Variants in NYAP2 observed in about 807,000 individuals in gnomAD.
NYAP2 encodes neuronal tyrosine-phosphorylated phosphoinositide-3-kinase adapter 2.
NYAP2 carries 23 observed loss-of-function variants against 50.4 expected under a neutral mutation model. The ratio of observed to expected loss-of-function variants is 0.46; its 90% CI spans 0.33 to 0.65. The LOEUF is 0.65. Ranked by LOEUF, NYAP2 falls within the 30% of genes least tolerant of loss-of-function variation. The probability of loss-of-function intolerance (pLI) is 0.02; values close to 1 mark genes in which losing one functional copy is unlikely to be tolerated. For missense variants in NYAP2, 885 were observed against 861.0 expected, an observed-to-expected ratio of 1.03 and a Z score of -0.35; for synonymous variants, 394 against 365.2, an observed-to-expected ratio of 1.08 and a Z score of -0.90.
chr2:225,437,303 GA>G (rs1281340023), intron 3 of NYAP2, among the ~76,000 whole-genome samples: 2 of 152,118 alleles, frequency 1.3e-5, no homozygotes, highest in African/African-American at 4.8e-5. Flanking sequence ...TGACAGTTGT[GA>G]AGGATACTTT....
chr2:225,512,639 TCCTTCCTCCCTC>T (rs1690840054), intron 3 of NYAP2, among the ~76,000 whole-genome samples: 1 of 150,276 alleles, frequency 6.7e-6, no homozygotes, highest in South Asian at 2.2e-4. Context: ...TCTCCTTCCT[TCCTTCCTCCCTC>T]CCTTCCTCCC....
At chr2:225,594,637 T>C (rs1321952691) in intron 5 of NYAP2, among the ~76,000 whole-genome samples, 6 of 151,448 alleles carry the variant, frequency 4.0e-5, no homozygotes, top group Non-Finnish European at 8.8e-5. Context: ...GTCTTGAATA[T>C]GTGTGTTCCC....
chr2:225,401,738 CAT>C (rs150959289), intron 2 of NYAP2, among the ~76,000 whole-genome samples: 4,144 of 152,012 alleles, frequency 0.027, 184 homozygotes, highest in African/African-American at 0.093. Flanking sequence ...AAATACAAGA[CAT>C]GTGAGTATTT....
At position 225,626,837 on chromosome 2, in the gene NYAP2, A is replaced by C; in HGVS notation, c.1619-80A>C. ...AACAACATATTGAGACAATTTTAGA[A>C]AATCACACTAATTTTTTGAAAGTAA... On this transcript the variant is annotated intron_variant, in intron 5 of 6. Coordinates refer to ENST00000636099, the Ensembl canonical transcript of NYAP2. 18 of 1,086,388 alleles carry C rather than the reference A, an allele frequency of 1.7e-5. No individual in the cohort carries two copies. In the South Asian group the frequency reaches 2.6e-4, roughly 16 times the overall value. 67.3% of individuals were successfully genotyped at this position (1,086,388 alleles called of 1,614,324 possible). A position where few individuals can be genotyped will look rare whatever the true frequency, so the allele number is the denominator to read the frequency against.
intron 3 of NYAP2, among the ~76,000 whole-genome samples, chr2:225,510,853 G>C (rs1019098777): frequency 6.6e-6 from 1 of 151,924 alleles, no homozygotes; most frequent in Non-Finnish European, 1.5e-5. Flanking sequence ...TTAAGTTGTT[G>C]TATGCTGTTA....
intron 5 of NYAP2, among the ~76,000 whole-genome samples, chr2:225,586,673 A>G (rs1049832268): frequency 6.6e-6 from 1 of 152,162 alleles, no homozygotes; most frequent in Non-Finnish European, 1.5e-5. Context: ...TGATATATTC[A>G]TTATGATTTT....
At chr2:225,467,155 A>G (rs1459981238) in intron 3 of NYAP2, among the ~76,000 whole-genome samples, 1 of 152,002 alleles carries the variant, frequency 6.6e-6, no homozygotes, top group Non-Finnish European at 1.5e-5. Context: ...TGTTTACCGG[A>G]GTTGTACGCA....
chr2:225,543,443 G>A (rs1404887741), intron 4 of NYAP2, among the ~76,000 whole-genome samples: 1 of 151,692 alleles, frequency 6.6e-6, no homozygotes, highest in Non-Finnish European at 1.5e-5. Context: ...AAAAGTATTG[G>A]TATGTTCTTT....
chr2:225,436,920 G>A (rs1370728666), intron 3 of NYAP2, among the ~76,000 whole-genome samples: 2 of 151,934 alleles, frequency 1.3e-5, no homozygotes, highest in East Asian at 3.9e-4. Flanking sequence ...TCCTTCAAGT[G>A]GGAGCTGGTG....
chr2:225,432,794 C>G (rs1217572209), intron 3 of NYAP2, among the ~76,000 whole-genome samples: 3 of 152,168 alleles, frequency 2.0e-5, no homozygotes, highest in African/African-American at 7.2e-5. Flanking sequence ...GGTTCTGACT[C>G]CTTCATATTT....
chr2:225,650,367 G>A (rs756125598), intron 6 of NYAP2, among the ~76,000 whole-genome samples: 15 of 152,134 alleles, frequency 9.9e-5, no homozygotes, highest in East Asian at 1.9e-4. Context: ...TCTCTGGCAC[G>A]CGTGTCAGTT....
chr2:225,520,216 G>T (rs951361640), intron 4 of NYAP2, among the ~76,000 whole-genome samples: 4 of 152,032 alleles, frequency 2.6e-5, no homozygotes, highest in Non-Finnish European at 4.4e-5. Context: ...CTCCCATTTT[G>T]TAGGTTGCCT....
chr2:225,665,572 CCTT>C, the NYAP2 span, among the ~76,000 whole-genome samples: 1 of 149,494 alleles, frequency 6.7e-6, no homozygotes, highest in Non-Finnish European at 1.5e-5. Context: ...TTCCCTAGCT[CCTT>C]TTTTTTTTGA....
intron 6 of NYAP2, among the ~76,000 whole-genome samples, chr2:225,627,725 C>A (rs1443233287): frequency 6.6e-6 from 1 of 152,104 alleles, no homozygotes; most frequent in South Asian, 2.1e-4. Context: ...AAATTAAAAT[C>A]TGCAATGCAA....
intron 6 of NYAP2, among the ~76,000 whole-genome samples, chr2:225,634,582 A>G (rs1693379580): frequency 6.6e-6 from 1 of 152,214 alleles, no homozygotes; most frequent in South Asian, 2.1e-4. Flanking sequence ...CATTTCTTAC[A>G]CACTGTGCTT....
chr2:225,591,406 C>A (rs1692502176), intron 5 of NYAP2, among the ~76,000 whole-genome samples: 1 of 152,086 alleles, frequency 6.6e-6, no homozygotes, highest in Non-Finnish European at 1.5e-5. Flanking sequence ...AGGTTTGTCT[C>A]AGGAACAATA....
chr2:225,521,705 T>G (rs1490870040), intron 4 of NYAP2, among the ~76,000 whole-genome samples: 1 of 152,046 alleles, frequency 6.6e-6, no homozygotes, highest in Non-Finnish European at 1.5e-5. Flanking sequence ...TTTGCATCAA[T>G]GTTCATCAAG....
intron 3 of NYAP2, among the ~76,000 whole-genome samples, chr2:225,444,201 T>G (rs1232815367): frequency 6.6e-6 from 1 of 152,200 alleles, no homozygotes; most frequent in African/African-American, 2.4e-5. Flanking sequence ...AGAGATTTGT[T>G]TTCTGTCTTC....
At chr2:225,539,885 G>T (rs1192089978) in intron 4 of NYAP2, among the ~76,000 whole-genome samples, 3 of 152,130 alleles carry the variant, frequency 2.0e-5, no homozygotes, top group Non-Finnish European at 4.4e-5. Context: ...CAGAACCCAA[G>T]TCAACTCTTG....
Sources: allele counts gnomAD v4.1 joint callset (sites outside exome capture counted in the v4.1 genomes callset), GRCh38; gene constraint gnomAD v4.1.1; transcripts MANE v1.5; gene names NCBI Gene and HGNC (gene_info 2026-07-23, HGNC 2026-07-21).